Variants in RBPJ observed in about 807,000 individuals in gnomAD.
RBPJ encodes recombining binding protein suppressor of hairless.
In RBPJ, 9 loss-of-function variants were observed where a neutral mutation model predicts 67.8. The ratio of observed to expected loss-of-function variants is 0.13; its 90% CI spans 0.08 to 0.23. The LOEUF (loss-of-function observed/expected upper bound fraction) is 0.23. RBPJ is among the 10% of genes least tolerant of loss of function. The pLI is 1.00. For synonymous variants in RBPJ, 198 were observed against 203.3 expected (o/e 0.97, Z 0.22); for missense variants, 305 against 595.6 (o/e 0.51, Z 5.08).
intron 1 of RBPJ, among the ~76,000 whole-genome samples, chr4:26,192,579 C>T (rs1717605674): frequency 6.6e-6 from 1 of 152,144 alleles, no homozygotes; most frequent in Non-Finnish European, 1.5e-5. Context: ...CATATACTAG[C>T]ACTTAATTGG....
chr4:26,403,608 T>A lies in RBPJ; in HGVS notation c.60-2567T>A, dbSNP rs532692737. ...TCTTCATAAGTTCTCATCATTTAGT[T>A]CCCACTTGTAAGTGAGAACATGCGA... On this transcript the variant is annotated intron_variant, in intron 2 of 10. Coordinates refer to ENST00000355476, the MANE Select transcript of RBPJ (RefSeq NM_015874.6). Among the ~76,000 whole-genome samples, 9 of 152,308 alleles carry A rather than the reference T, an allele frequency of 5.9e-5. No homozygotes were observed. In the South Asian group the frequency reaches 1.9e-3, roughly 32 times the overall value.
the RBPJ span, among the ~76,000 whole-genome samples, chr4:26,129,803 G>A: frequency 6.6e-6 from 1 of 152,102 alleles, no homozygotes; most frequent in African/African-American, 2.4e-5. Context: ...GATGGAGGTG[G>A]ACATCACCTG....
In RBPJ at chr4:26,424,487, T is replaced by C; in HGVS notation, c.634+8T>C. ...CCTTTTTTATTCATCTCTGTGAGTA[T>C]AAAAGTGTGCATTTAATGTTTTTAG... On this transcript the variant is annotated splice_region_variant and intron_variant, in intron 6 of 10. Transcript: ENST00000355476. The surrounding 1 kb of genome is among the most constrained non-coding windows in gnomAD (Gnocchi z 5.3). 1 of 1,612,976 alleles carries C rather than the reference T, an allele frequency of 6.2e-7. No individual in the cohort carries two copies. The highest frequency in any genetic ancestry group is 1.3e-5 in the African/African-American group (1 of 74,962).
chr4:26,166,914 C>T (rs1193940927), intron 1 of RBPJ, among the ~76,000 whole-genome samples: 2 of 152,172 alleles, frequency 1.3e-5, no homozygotes, highest in African/African-American at 4.8e-5. Flanking sequence ...GGAAGAGATC[C>T]AATTTCAGCT....
chr4:26,150,953 T>C, the RBPJ span, among the ~76,000 whole-genome samples: 2 of 152,188 alleles, frequency 1.3e-5, no homozygotes, highest in Non-Finnish European at 2.9e-5. Context: ...CTAGTCTTTA[T>C]TTACGGATAT....
Position 26,283,929 on chromosome 4 carries a change from C to T in RBPJ, c.-166-78517C>T, listed in dbSNP as rs1200066338. Among the ~76,000 whole-genome samples, 4 of 152,278 alleles carry T rather than the reference C, an allele frequency of 2.6e-5. No individual in the cohort carries two copies. The South Asian group carries it at 8.3e-4, about 32-fold the overall frequency. On this transcript the variant is annotated intron_variant, in intron 1 of 4. Coordinates refer to the RBPJ transcript ENST00000512351. ...AAAGTGCTGGGATTACAGGCATGAG[C>T]CACCACGCCTGGCCTATTTAATACA...
intron 5 of RBPJ, among the ~76,000 whole-genome samples, chr4:26,421,137 G>GGGC (rs1735097097): frequency 6.6e-6 from 1 of 152,106 alleles, no homozygotes; most frequent in Non-Finnish European, 1.5e-5. Flanking sequence ...CCAACTAAAT[G>GGGC]GGCTTTGGCA....
At chr4:26,414,895 A>C (rs1734408789) in intron 3 of RBPJ, among the ~76,000 whole-genome samples, 1 of 152,212 alleles carries the variant, frequency 6.6e-6, no homozygotes, top group South Asian at 2.1e-4. Flanking sequence ...ATAAAATTCA[A>C]AGATATATAA....
At chr4:26,167,296 T>C (rs1716357045) in intron 1 of RBPJ, among the ~76,000 whole-genome samples, 1 of 152,218 alleles carries the variant, frequency 6.6e-6, no homozygotes, top group African/African-American at 2.4e-5. Flanking sequence ...AACCTATCAA[T>C]TACCTTGGGC....
the RBPJ span, among the ~76,000 whole-genome samples, chr4:26,141,727 A>G: frequency 2.0e-5 from 3 of 152,216 alleles, no homozygotes; most frequent in Non-Finnish European, 4.4e-5. Flanking sequence ...CTACAGAGCT[A>G]TAGAATACTA....
chr4:26,209,209 A>G (rs903965533), intron 1 of RBPJ, among the ~76,000 whole-genome samples: 4 of 152,068 alleles, frequency 2.6e-5, no homozygotes, highest in South Asian at 2.1e-4. Context: ...GAAAGTTAAA[A>G]TGTTGATTCT....
At chr4:26,324,810 T>G (rs1723452960) in intron 1 of RBPJ, among the ~76,000 whole-genome samples, 1 of 152,200 alleles carries the variant, frequency 6.6e-6, no homozygotes, top group African/African-American at 2.4e-5. Context: ...ATTACAGGGG[T>G]GAGCCACCAT....
At chr4:26,214,450 AAAAG>A (rs1231465704) in intron 1 of RBPJ, among the ~76,000 whole-genome samples, 13 of 138,470 alleles carry the variant, frequency 9.4e-5, no homozygotes, top group South Asian at 7.4e-4. Context: ...AAGAGAAAGA[AAAAG>A]AAAGAATGAA....
Position 26,430,826 on chromosome 4 carries a change from C to G in RBPJ, c.1283C>G (p.Thr428Ser). 1 of 1,614,058 alleles carries G rather than the reference C, an allele frequency of 6.2e-7. No homozygotes were observed. The highest frequency in any genetic ancestry group is 8.5e-7 in the Non-Finnish European group (1 of 1,180,002). The change falls in exon 11 of 11, where the codon ACC (threonine) becomes AGC (serine). Residue 428 changes from threonine to serine, a missense_variant. Physicochemically the swap from Thr to Ser is moderately conservative, Grantham distance 58 (BLOSUM62 1). Coordinates refer to ENST00000355476, the MANE Select transcript of RBPJ (RefSeq NM_015874.6). This position sits in a 1 kb window ranked among gnomAD's most constrained non-coding sequence, Gnocchi z 4.1. ...NDGIIYSTSL[T>S]FTYTPEPGPR... ...GGAATCATTTATTCCACCAGCCTTA[C>G]CTTTACCTACACACCAGAACCAGGG...
At chr4:26,331,867 G>T (rs1487985263) in intron 1 of RBPJ, among the ~76,000 whole-genome samples, 1 of 152,184 alleles carries the variant, frequency 6.6e-6, no homozygotes, top group Non-Finnish European at 1.5e-5. Flanking sequence ...GAAGATGGAA[G>T]GACAGAGGAG....
chr4:26,287,554 G>T, intron 1 of RBPJ, among the ~76,000 whole-genome samples: 1 of 37,002 alleles, frequency 2.7e-5, no homozygotes, highest in Non-Finnish European at 4.7e-5. Context: ...CCTTGCCTCG[G>T]AAAGGAAAGG....
At chr4:26,389,629 CTA>C (rs1731294419) in intron 2 of RBPJ, among the ~76,000 whole-genome samples, 1 of 150,528 alleles carries the variant, frequency 6.6e-6, no homozygotes, top group Non-Finnish European at 1.5e-5. Flanking sequence ...GGTGACATCA[CTA>C]TAGAGTCACA....
At chr4:26,316,629 CAT>C (rs1457511968), upstream of RBPJ, among the ~76,000 whole-genome samples, 32 of 140,846 alleles carry the variant, frequency 2.3e-4, 1 homozygote, top group South Asian at 6.5e-3. Flanking sequence ...TATATATACA[CAT>C]ATTGATATAT....
intron 1 of RBPJ, among the ~76,000 whole-genome samples, chr4:26,197,167 A>G (rs946409584): frequency 1.3e-5 from 2 of 152,166 alleles, no homozygotes; most frequent in Admixed American, 1.3e-4. Flanking sequence ...GTGGACTTCA[A>G]CCAAGGTCAG....
Sources: gnomAD v4.1 joint callset for allele counts (sites outside exome capture counted in the v4.1 genomes callset) on GRCh38, gnomAD v4.1.1 for gene constraint, Gnocchi (gnomAD v3.1) non-coding constraint, MANE v1.5 for transcripts, NCBI Gene and HGNC (gene_info 2026-07-23, HGNC 2026-07-21) for gene names.